NEB: variants seen among roughly 807,000 people sequenced by gnomAD.
NEB encodes the protein nebulin.
NEB carries 512 observed loss-of-function variants against 952.2 expected under a neutral mutation model. The ratio of observed to expected loss-of-function variants is 0.54; its 90% CI spans 0.50 to 0.58. The LOEUF (loss-of-function observed/expected upper bound fraction) is 0.58. NEB is among the 20% of genes least tolerant of loss of function. NEB has a pLI of 0.00. For synonymous variants in NEB, 2,900 were observed against 3,149.8 expected (o/e 0.92, Z 2.66); for missense variants, 8,428 against 9,231.1 (o/e 0.91, Z 3.56).
intron 107 of NEB, among the ~76,000 whole-genome samples, chr2:151,575,357 T>C (rs1254410215): frequency 6.6e-6 from 1 of 152,212 alleles, no homozygotes; most frequent in African/African-American, 2.4e-5. Flanking sequence ...CAAAGACTTC[T>C]CATAATTATT....
In NEB at chr2:151,684,960, C is replaced by T; in HGVS notation, c.2653G>A (p.Asp885Asn). The change falls in exon 28 of 182, where the codon GAT becomes AAT. Residue 885 changes from aspartate (D) to asparagine (N), a missense_variant. This residue lies in a region of NEB where 2,851 missense variants were observed against 2,791.5 expected (regional missense o/e 1.02). Transcript: ENST00000397345. Reference sequence around the variant, plus strand: ...TAGATAGTTTTTGACTTTTCATAATCTTTTCGATATTCGCGCTGTGAATAG... The same window carrying T: ...TAGATAGTTTTTGACTTTTCATAATTTTTTCGATATTCGCGCTGTGAATAG... ...KNQSDREYRK[D>N]YEKSKTIYTA... The T allele has an allele frequency of 6.2e-7, 1 of 1,607,476 alleles. No individual in the cohort carries two copies. The highest frequency in any genetic ancestry group is 8.5e-7 in the Non-Finnish European group (1 of 1,176,636).
chr2:151,631,446 T>C, intron 65 of NEB, 100 bp from the exon 66 acceptor site: 1 of 1,305,512 alleles, frequency 7.7e-7, no homozygotes, highest in South Asian at 1.5e-5. Flanking sequence ...CTGTTTTCTA[T>C]TCGTAGAAAA....
chr2:151,695,077 A>G (rs1170188053), intron 18 of NEB, among the ~76,000 whole-genome samples: 1 of 152,174 alleles, frequency 6.6e-6, no homozygotes, highest in Non-Finnish European at 1.5e-5. Context: ...TGAGAACCCC[A>G]AGGATAATTT....
At chr2:151,541,177 T>C (rs1187910795) in intron 136 of NEB, among the ~76,000 whole-genome samples, 1 of 152,182 alleles carries the variant, frequency 6.6e-6, no homozygotes, top group Admixed American at 6.5e-5. Context: ...GAAGATTCTA[T>C]AGAATGATCA....
intron 66 of NEB, 81 bp downstream of exon 66, chr2:151,631,062 G>GAT: frequency 6.5e-7 from 1 of 1,544,072 alleles, no homozygotes; most frequent in Non-Finnish European, 8.9e-7. Flanking sequence ...CGCCTTCATA[G>GAT]ATAATTTAGA....
Position 151,531,864 on chromosome 2 carries a change from C to T in NEB, c.21450G>A (p.Lys7150=). ...TATCCACAATTGAGGTAAATTTGTC[C>T]TTTGATTTTTCATAGTTTTTCCTGT... ...IKYRKNYEKS[K]DKFTSIVDTP... The change falls in exon 144 of 182, where the codon AAG becomes AAA. Residue 7150 remains lysine, a synonymous_variant. Transcript: ENST00000397345. The T allele has an allele frequency of 6.2e-7, 1 of 1,609,506 alleles. No individual in the cohort carries two copies. The highest frequency in any genetic ancestry group is 1.1e-5 in the South Asian group (1 of 90,396).
rs537703262 is a variant in NEB at position 151,659,327 on chromosome 2, T to C, written c.5971-158A>G. On this transcript the variant is annotated intron_variant, in intron 46 of 181. Coordinates refer to ENST00000397345, the MANE Select transcript of NEB (RefSeq NM_001164508.2). ...ATTTATTATTTTTGAGACAGAGTCT[T>C]GCGCTGTCACCCAGGCTGGAGTGCA... 1.0e-3 allele frequency among the ~76,000 whole-genome samples: 159 copies of C among 152,262 alleles called. 2 individuals are homozygous for C. The highest frequency in any genetic ancestry group is 3.3e-3 in the African/African-American group (138 of 41,554).
At chr2:151,623,472 C>T (rs4664491) in intron 71 of NEB, among the ~76,000 whole-genome samples, 39,125 of 151,878 alleles carry the variant, frequency 0.26, 5,501 homozygotes, top group Non-Finnish European at 0.32. Context: ...ATTTTTATAC[C>T]CCATTCTCAA....
At chr2:151,709,525 C>G in intron 12 of NEB, 131 bp downstream of exon 12, 1 of 620,656 alleles carries the variant, frequency 1.6e-6, no homozygotes, top group East Asian at 2.9e-5. Context: ...CTCACATCCA[C>G]TGGTCTCAGC....
chr2:151,609,688 C>T (rs550849471), intron 81 of NEB, 121 bp downstream of exon 81: 2 of 848,096 alleles, frequency 2.4e-6, no homozygotes, highest in East Asian at 5.2e-5. Flanking sequence ...ATGGTACCCC[C>T]AGCCCCACCC....
At chr2:151,724,816 C>T in intron 7 of NEB, 41 bp downstream of exon 7, 1 of 1,527,450 alleles carries the variant, frequency 6.5e-7, no homozygotes, top group Non-Finnish European at 9.0e-7. Flanking sequence ...AGGTGATGCA[C>T]ATGCTACTGA....
chr2:151,662,396 C>T (rs2099158816), intron 45 of NEB, 55 bp from the exon 46 acceptor site: 15 of 1,416,244 alleles, frequency 1.1e-5, no homozygotes, highest in Admixed American at 4.3e-5. Flanking sequence ...CCCAAGAATC[C>T]TAAGTGTGTG....
rs1191429915 is a variant in NEB at position 151,492,097 on chromosome 2, C to T, written c.25057+1G>A. On this transcript the variant is annotated splice_donor_variant, in intron 178 of 181. Coordinates refer to ENST00000397345, the MANE Select transcript of NEB (RefSeq NM_001164508.2). LOFTEE classifies it high-confidence loss of function. ...CCCTCCCCCAACCCAGGCTCAGTTA[C>T]CTGTAATAGTCTCCTGATCTTGGTC... 6.2e-7 allele frequency: 1 copy of T among 1,613,736 alleles called. No individual in the cohort carries two copies. The highest frequency in any genetic ancestry group is 8.5e-7 in the Non-Finnish European group (1 of 1,179,708).
chr2:151,495,156 T>C (rs1219472925), intron 173 of NEB: 1 of 152,218 alleles, frequency 6.6e-6, no homozygotes, highest in East Asian at 1.9e-4. Flanking sequence ...ATCACTATCA[T>C]GGCGAATCAG....
At chr2:151,706,614 A>C (rs570407654) in intron 13 of NEB, among the ~76,000 whole-genome samples, 5 of 152,184 alleles carry the variant, frequency 3.3e-5, no homozygotes, top group East Asian at 1.9e-4. Context: ...TAAGCAACAC[A>C]TCCATATGGA....
rs1476009182 is a variant in NEB, at chr2:151,578,809, T to C, written c.16704+529A>G. ...AAGGAAGGGCGGGCAAGGCTGGGCATGGTGGCTCACTTCTGTAATCCCAGA... is the reference window on the plus strand; with the variant it reads ...AAGGAAGGGCGGGCAAGGCTGGGCACGGTGGCTCACTTCTGTAATCCCAGA... On this transcript the variant is annotated intron_variant, in intron 105 of 181. Coordinates refer to ENST00000397345, the MANE Select transcript of NEB (RefSeq NM_001164508.2). Among the ~76,000 whole-genome samples, 40 of 151,582 alleles carry C rather than the reference T, an allele frequency of 2.6e-4. 1 individual carries two copies. Among genetic ancestry groups the C allele is most frequent in the Admixed American group, 2.1e-3 (32 of 15,220 alleles).
chr2:151,518,868 G>A, intron 155 of NEB, 97 bp downstream of exon 155: 1 of 745,256 alleles, frequency 1.3e-6, no homozygotes, highest in Non-Finnish European at 2.4e-6. Context: ...TAAATCTAGG[G>A]TATCAGTAGC....
At chr2:151,498,056 T>A (rs891367653) in intron 170 of NEB, 1 of 1,452,390 alleles carries the variant, frequency 6.9e-7, no homozygotes, top group East Asian at 2.5e-5. Flanking sequence ...TCATTATTTT[T>A]AAAACATGTT....
rs143342172 is a variant in NEB, at chr2:151,613,734, A to G, written c.11601+542T>C. 8.8e-3 allele frequency among the ~76,000 whole-genome samples: 1,344 copies of G among 152,208 alleles called. 13 individuals carry two copies. The highest frequency in any genetic ancestry group is 0.054 in the East Asian group (277 of 5,172). ...TAGTGAGTGAATTCTCATGAGATCCAGGTGCTTAAAAGTGTGTAGCACTTC... is the reference window on the plus strand; with the variant it reads ...TAGTGAGTGAATTCTCATGAGATCCGGGTGCTTAAAAGTGTGTAGCACTTC... On this transcript the variant is annotated intron_variant, in intron 77 of 181. Transcript: ENST00000397345.
Sources: allele counts gnomAD v4.1 joint callset (sites outside exome capture counted in the v4.1 genomes callset), GRCh38; gene constraint gnomAD v4.1.1; regional missense constraint gnomAD v4.1.1; transcripts MANE v1.5; gene names NCBI Gene and HGNC (gene_info 2026-07-23, HGNC 2026-07-21).